PSTK: variants seen among roughly 807,000 people sequenced by gnomAD.
The protein encoded by PSTK is phosphoseryl-tRNA kinase.
PSTK carries 26 observed loss-of-function variants against 38.6 expected under a neutral mutation model. The ratio of observed to expected loss-of-function variants is 0.67; its 90% CI spans 0.49 to 0.94. The LOEUF (loss-of-function observed/expected upper bound fraction) is 0.94, where lower values mean the gene tolerates loss of function less well. Ranked by LOEUF, PSTK falls within the 40% of genes least tolerant of loss-of-function variation. The probability of loss-of-function intolerance (pLI) is 0.00; values close to 1 mark genes in which losing one functional copy is unlikely to be tolerated. For missense variants in PSTK, 445 were observed against 436.3 expected (o/e 1.02, Z -0.18); for synonymous variants, 181 against 161.7 (o/e 1.12, Z -0.91).
intron 5 of PSTK, among the ~76,000 whole-genome samples, chr10:122,987,813 G>A (rs1028755826): frequency 6.6e-6 from 1 of 152,168 alleles, no homozygotes; most frequent in East Asian, 1.9e-4. Flanking sequence ...GTTCATAGAG[G>A]AACAAGTAAC....
intron 5 of PSTK, among the ~76,000 whole-genome samples, chr10:122,987,766 A>G (rs1212731575): frequency 6.6e-6 from 1 of 152,184 alleles, no homozygotes; most frequent in Non-Finnish European, 1.5e-5. Flanking sequence ...TCACAGTCCT[A>G]TAAGGTAGGT....
At position 122,986,303 on chromosome 10, in the gene PSTK, G is replaced by C. The variant is rs186315665; in HGVS notation, c.711G>C (p.Leu237=). 1.2e-6 allele frequency: 2 copies of C among 1,601,308 alleles called. No individual in the cohort carries two copies. The highest frequency in any genetic ancestry group is 3.4e-5 in the Admixed American group (2 of 58,918). Residue 237 remains leucine (L), a synonymous_variant, in exon 4 of 6, where the codon CTG becomes CTC. Transcript: ENST00000406217. The part of the protein sequence containing the change: ...PSPACASEAS[L]EVTDLLLTAL... ...TTTTATCCCATTTTCTCTGTAGCCT[G>C]GAAGTGACTGATTTATTGCTCACTG...
chr10:122,982,359 C>A, intron 1 of PSTK: 1 of 45,176 alleles, frequency 2.2e-5, no homozygotes, highest in South Asian at 4.5e-4. Flanking sequence ...GAGCACCGAC[C>A]CTCTGCTGGA....
intron 3 of PSTK, chr10:122,983,760 T>G: frequency 2.9e-6 from 1 of 339,210 alleles, no homozygotes; most frequent in Non-Finnish European, 5.5e-6. Flanking sequence ...AAATAGATAG[T>G]CTAAATAGGT....
At chr10:122,987,190 C>G (rs1288498509) in intron 5 of PSTK, 35 of 1,214,538 alleles carry the variant, frequency 2.9e-5, no homozygotes, top group Non-Finnish European at 3.7e-5. Context: ...AGGCCTTACT[C>G]TAGATGCTGG....
rs747330736 is a variant in PSTK, at chr10:122,986,253, A to C, written c.708-47A>C. ...CAAAAAAAAAAAAAAAAAAAGTCAG[A>C]TGTTGGATATAAGGATCTATTGTAT... On this transcript the variant is annotated intron_variant, in intron 3 of 5. Transcript: ENST00000406217. 1.4e-5 allele frequency: 12 copies of C among 887,836 alleles called. No homozygotes were observed. In the East Asian group the frequency reaches 3.2e-4, roughly 24 times the overall value. 55.0% of individuals were successfully genotyped at this position (887,836 alleles called of 1,614,324 possible). A position where few individuals can be genotyped will look rare whatever the true frequency, so the allele number is the denominator to read the frequency against.
chr10:122,982,589 C>T (rs1390775845), intron 1 of PSTK, 144 bp from the exon 2 acceptor site: 5 of 650,020 alleles, frequency 7.7e-6, no homozygotes, highest in Non-Finnish European at 1.3e-5. Context: ...TATATGGAGT[C>T]ATGTGAAACC....
chr10:122,982,753 T>C lies in PSTK; in HGVS notation c.237T>C (p.Leu79=), dbSNP rs1394165571. Residue 79 remains leucine, a synonymous_variant, in exon 2 of 6, where the codon CTT becomes CTC. Coordinates refer to ENST00000406217, the MANE Select transcript of PSTK (RefSeq NM_001363531.2). The part of the protein sequence containing the change: ...ARPAPSQWKL[L]RQELLKYLEY... The stretch of plus-strand genomic sequence containing the variant: ...TGTAGCCATCCCAATGGAAATTGCT[T>C]CGACAGGAACTGTTGAAGTACCTGG... The C allele has an allele frequency of 6.2e-7, 1 of 1,614,184 alleles. No individual in the cohort carries two copies.
chr10:122,982,835 A>T lies in PSTK; in HGVS notation c.319A>T (p.Thr107Ser). 1 of 1,614,150 alleles carries T rather than the reference A, an allele frequency of 6.2e-7. No homozygotes were observed. Among genetic ancestry groups the T allele is most frequent in the East Asian group, 2.2e-5 (1 of 44,888 alleles). The change falls in exon 2 of 6, where the codon ACT becomes TCT. Residue 107 changes from threonine to serine, a missense_variant. Thr to Ser is a moderately conservative substitution (Grantham distance 58, BLOSUM62 1). Coordinates refer to ENST00000406217, the MANE Select transcript of PSTK (RefSeq NM_001363531.2). ...TCAGATGTCTGTCCCACCCAACAGG[A>T]CTGAAGCCATGTGGGAAGATTTTAT... ...GCQMSVPPNR[T>S]EAMWEDFITC...
intron 5 of PSTK, 38 bp from the exon 6 acceptor site, chr10:122,990,136 A>C: frequency 7.2e-7 from 1 of 1,390,066 alleles, no homozygotes; most frequent in Non-Finnish European, 9.7e-7. Context: ...GATTACTTTA[A>C]TTTACACCAG....
In PSTK at chr10:122,990,381, G is replaced by T. The variant is rs765196659; in HGVS notation, c.*8G>T. The T allele has an allele frequency of 1.5e-5, 21 of 1,393,920 alleles. No individual in the cohort carries two copies. The highest frequency in any genetic ancestry group is 1.7e-5 in the Non-Finnish European group (18 of 1,048,230). 86.3% of individuals were successfully genotyped at this position (1,393,920 alleles called of 1,614,324 possible). A position where few individuals can be genotyped will look rare whatever the true frequency, so the allele number is the denominator to read the frequency against. On this transcript the variant is annotated 3_prime_UTR_variant, in exon 6 of 6. Transcript: ENST00000406217. The stretch of plus-strand genomic sequence containing the variant: ...TTTTCAAAGCAGCATTAAAATTTCT[G>T]AACTGCCAATCAAATGTCTCATTTT...
chr10:122,981,720 G>T (rs1848960948), intron 1 of PSTK, among the ~76,000 whole-genome samples: 1 of 152,196 alleles, frequency 6.6e-6, no homozygotes, highest in South Asian at 2.1e-4. Context: ...GCAGTGTCAG[G>T]ATAGCGCAGG....
At position 122,980,453 on chromosome 10, in the gene PSTK, C is replaced by T. The variant is rs895217701; in HGVS notation, c.-27C>T. 3.2e-6 allele frequency: 5 copies of T among 1,565,184 alleles called. No homozygotes were observed. The highest frequency in any genetic ancestry group is 3.6e-5 in the Admixed American group (2 of 55,998). ...GACGGTAGAGCGGAGACGACGCTCC[C>T]AGACTCCTCCGGTCTCCCCGGGCAG... On this transcript the variant is annotated 5_prime_UTR_variant, in exon 1 of 6. Coordinates refer to ENST00000406217, the MANE Select transcript of PSTK (RefSeq NM_001363531.2). The surrounding 1 kb of genome is among the most constrained non-coding windows in gnomAD (Gnocchi z 4.3).
At chr10:122,987,346 C>G (rs1849048791) in intron 5 of PSTK, 2 of 1,613,894 alleles carry the variant, frequency 1.2e-6, no homozygotes, top group Non-Finnish European at 1.7e-6. Flanking sequence ...AATCAGGAAG[C>G]CTTCTCAGAG....
At chr10:122,986,178 G>A (rs1487479999) in intron 3 of PSTK, 122 bp from the exon 4 acceptor site, 13 of 523,166 alleles carry the variant, frequency 2.5e-5, no homozygotes, top group East Asian at 1.9e-4. Flanking sequence ...CAGAGATCAC[G>A]CCGCTGCACT....
intron 5 of PSTK, 25 bp downstream of exon 5, chr10:122,986,987 A>G (rs1244308281): frequency 3.5e-6 from 5 of 1,449,262 alleles, no homozygotes; most frequent in Middle Eastern, 1.7e-4. Context: ...TTATGTGTTG[A>G]GTTGGTATGA....
intron 2 of PSTK, 26 bp downstream of exon 2, chr10:122,983,050 A>G: frequency 6.4e-7 from 1 of 1,570,402 alleles, no homozygotes; most frequent in African/African-American, 1.4e-5. Flanking sequence ...TTTTTCTTAC[A>G]CATGGAGATA....
rs2133355613 is a variant in PSTK, at chr10:122,982,933, A to G, written c.417A>G (p.Lys139=). 1.9e-6 allele frequency: 3 copies of G among 1,614,202 alleles called. No individual in the cohort carries two copies. Among genetic ancestry groups the G allele is most frequent in the African/African-American group, 2.7e-5 (2 of 75,042 alleles). Residue 139 remains lysine, a synonymous_variant, in exon 2 of 6, where the codon AAA becomes AAG. Coordinates refer to ENST00000406217, the MANE Select transcript of PSTK (RefSeq NM_001363531.2). ...FEAQSCYLLT[K]TAVSRPLFLV... ...CCCAGTCTTGCTACCTCTTAACAAA[A>G]ACTGCTGTTTCTAGACCTTTGTTTT... is the stretch of plus-strand genomic sequence containing the variant.
intron 5 of PSTK, chr10:122,987,420 A>C: frequency 6.2e-7 from 1 of 1,614,216 alleles, no homozygotes. Flanking sequence ...CATTCTAGGC[A>C]ATGAACACAT....
Sources: allele counts gnomAD v4.1 joint callset (sites outside exome capture counted in the v4.1 genomes callset), GRCh38; gene constraint gnomAD v4.1.1; non-coding constraint Gnocchi (gnomAD v3.1); transcripts MANE v1.5; gene names NCBI Gene and HGNC (gene_info 2026-07-23, HGNC 2026-07-21).